SEMA5A: variants seen among roughly 807,000 people sequenced by gnomAD.
The protein encoded by SEMA5A is semaphorin 5A.
SEMA5A carries 55 observed loss-of-function variants against 135.5 expected under a neutral mutation model. The observed-to-expected ratio is 0.41, with a 90% CI of 0.33 to 0.51. The LOEUF is 0.51. SEMA5A is among the 20% of genes least tolerant of loss of function. The pLI is 0.37. For missense variants in SEMA5A, 1,290 were observed against 1,419.9 expected (o/e 0.91, Z 1.47); for synonymous variants, 580 against 546.5 (o/e 1.06, Z -0.85).
rs1221720353 is a variant in SEMA5A at position 9,212,092 on chromosome 5, T to C, written c.647-9852A>G. 2.0e-5 allele frequency among the ~76,000 whole-genome samples: 3 copies of C among 152,328 alleles called. No homozygotes were observed. In the East Asian group the frequency reaches 5.8e-4, roughly 29 times the overall value. On this transcript the variant is annotated intron_variant, in intron 8 of 22. Transcript: ENST00000382496. ...TCATGCTGAGTTATTAAGCCTCATT[T>C]AGGAGTTAGTTTTTCCAAGTTCCTA... is the stretch of plus-strand genomic sequence containing the variant.
intron 11 of SEMA5A, among the ~76,000 whole-genome samples, chr5:9,178,494 G>T (rs1341028225): frequency 6.6e-6 from 1 of 151,784 alleles, no homozygotes; most frequent in East Asian, 1.9e-4. Flanking sequence ...CCCACACCCG[G>T]CTACTTTTTT....
Position 9,035,385 on chromosome 5 carries a change from C to T in SEMA5A, c.*7512G>A, listed in dbSNP as rs1735591753. 6.6e-6 allele frequency: 1 copy of T among 152,084 alleles called. No individual in the cohort carries two copies. The highest frequency in any genetic ancestry group is 1.5e-5 in the Non-Finnish European group (1 of 67,998). The allele number at this position is 152,084 out of a possible 1,614,324, so 9.4% of individuals were successfully genotyped here. On this transcript the variant is annotated 3_prime_UTR_variant, in exon 23 of 23. Coordinates refer to ENST00000382496, the MANE Select transcript of SEMA5A (RefSeq NM_003966.3). ...TTTTCTTATAAACGTGTTTGTTTCT[C>T]AAAGCTGAGGCTTGGAGCAGGTGTG...
At chr5:9,318,633 G>A (rs1450359952) in intron 4 of SEMA5A, among the ~76,000 whole-genome samples, 3 of 152,182 alleles carry the variant, frequency 2.0e-5, no homozygotes, top group Non-Finnish European at 4.4e-5. Flanking sequence ...GAAAGCTAAC[G>A]AATAAGTGGG....
intron 11 of SEMA5A, 136 bp from the exon 12 acceptor site, chr5:9,154,831 T>A: frequency 1.4e-6 from 1 of 737,748 alleles, no homozygotes; most frequent in South Asian, 1.7e-5. Flanking sequence ...TCAAAAACAG[T>A]ACACCTGGAC....
At chr5:9,270,713 G>A (rs7732188) in intron 5 of SEMA5A, among the ~76,000 whole-genome samples, 61,209 of 151,540 alleles carry the variant, frequency 0.4, 12,569 homozygotes, top group South Asian at 0.45. Flanking sequence ...GTGGGGGCAG[G>A]GGGAGGAGGG....
intron 2 of SEMA5A, among the ~76,000 whole-genome samples, chr5:9,381,857 G>T (rs1755624399): frequency 6.6e-6 from 1 of 151,978 alleles, no homozygotes; most frequent in Non-Finnish European, 1.5e-5. Flanking sequence ...GATAGATAAT[G>T]TAAGTGACTT....
chr5:9,153,017 G>A (rs544622341), intron 12 of SEMA5A, among the ~76,000 whole-genome samples: 3 of 149,918 alleles, frequency 2.0e-5, no homozygotes, highest in South Asian at 4.2e-4. Flanking sequence ...GCAGTGAGCC[G>A]AGATCACACC....
chr5:9,400,917 A>G (rs560122080), intron 2 of SEMA5A, among the ~76,000 whole-genome samples: 9 of 152,324 alleles, frequency 5.9e-5, no homozygotes, highest in South Asian at 2.1e-4. Context: ...ATTATAAATT[A>G]CTTCATGATT....
chr5:9,379,774 A>C, intron 3 of SEMA5A, 49 bp downstream of exon 3: 1 of 1,593,294 alleles, frequency 6.3e-7, no homozygotes, highest in Non-Finnish European at 8.6e-7. Flanking sequence ...TAAACACAGA[A>C]TGTGCATTTA....
intron 16 of SEMA5A, among the ~76,000 whole-genome samples, chr5:9,069,134 A>G (rs994553336): frequency 1.3e-5 from 2 of 152,204 alleles, no homozygotes; most frequent in African/African-American, 4.8e-5. Flanking sequence ...GATTCCCCCA[A>G]GGAAGCTTTC....
intron 3 of SEMA5A, among the ~76,000 whole-genome samples, chr5:9,372,067 C>T (rs770103738): frequency 1.3e-5 from 2 of 152,178 alleles, no homozygotes; most frequent in Non-Finnish European, 2.9e-5. Flanking sequence ...TTCTAAAGGT[C>T]ACAGTGGTAG....
Position 9,512,799 on chromosome 5 carries a change from C to A in SEMA5A, c.-175+32785G>T, listed in dbSNP as rs182916429. ...CAACCAAATCCTTTCAACGAAAGCA[C>A]CAATTTGGTTTAGCTACAGATTATT... On this transcript the variant is annotated intron_variant, in intron 1 of 22. Transcript: ENST00000382496. Among the ~76,000 whole-genome samples the A allele has an allele frequency of 2.6e-5, 4 of 152,234 alleles. No individual in the cohort carries two copies. The South Asian group carries it at 6.2e-4, about 24-fold the overall frequency.
chr5:9,133,300 T>G (rs1460406127), intron 13 of SEMA5A, among the ~76,000 whole-genome samples: 1 of 152,216 alleles, frequency 6.6e-6, no homozygotes, highest in African/African-American at 2.4e-5. Context: ...AAGAGATGTA[T>G]AGTTAGATAA....
chr5:9,065,178 G>C (rs139173078), intron 17 of SEMA5A, among the ~76,000 whole-genome samples: 1 of 152,318 alleles, frequency 6.6e-6, no homozygotes, highest in African/African-American at 2.4e-5. Flanking sequence ...GAGGAGAGGA[G>C]AGAGTTAATG....
intron 5 of SEMA5A, among the ~76,000 whole-genome samples, chr5:9,283,432 C>A (rs979855017): frequency 6.6e-6 from 1 of 152,176 alleles, no homozygotes; most frequent in Admixed American, 6.5e-5. Flanking sequence ...TGGAATTTTG[C>A]TTCTTCAAAG....
intron 16 of SEMA5A, among the ~76,000 whole-genome samples, chr5:9,076,935 T>C (rs1738099077): frequency 6.6e-6 from 1 of 151,620 alleles, no homozygotes; most frequent in Non-Finnish European, 1.5e-5. Flanking sequence ...CTCATTCTTT[T>C]AAAATCACTT....
intron 1 of SEMA5A, among the ~76,000 whole-genome samples, chr5:9,499,186 A>G (rs1735458606): frequency 6.6e-6 from 1 of 152,230 alleles, no homozygotes; most frequent in Admixed American, 6.5e-5. Flanking sequence ...CACTCTTCAC[A>G]ATAATCCAAG....
chr5:9,362,091 G>T (rs976580859), intron 3 of SEMA5A, among the ~76,000 whole-genome samples: 1 of 152,102 alleles, frequency 6.6e-6, no homozygotes, highest in African/African-American at 2.4e-5. Flanking sequence ...TCCTCTTCTC[G>T]TCTTGGGGGG....
At chr5:9,339,864 G>A (rs1310284346) in intron 3 of SEMA5A, among the ~76,000 whole-genome samples, 1 of 152,100 alleles carries the variant, frequency 6.6e-6, no homozygotes, top group Non-Finnish European at 1.5e-5. Flanking sequence ...GAGAATGGAA[G>A]GAAAAGTAGT....
Sources: gnomAD v4.1 joint callset for allele counts (sites outside exome capture counted in the v4.1 genomes callset) on GRCh38, gnomAD v4.1.1 for gene constraint, MANE v1.5 for transcripts, NCBI Gene and HGNC (gene_info 2026-07-23, HGNC 2026-07-21) for gene names.